ADAMTS12: variants seen among roughly 807,000 people sequenced by gnomAD.
The protein encoded by ADAMTS12 is A disintegrin and metalloproteinase with thrombospondin motifs 12.
ADAMTS12 carries 118 observed loss-of-function variants against 167.8 expected under a neutral mutation model. The ratio of observed to expected loss-of-function variants is 0.70; its 90% CI spans 0.61 to 0.82. The LOEUF (loss-of-function observed/expected upper bound fraction) is 0.82, where lower values mean the gene tolerates loss of function less well. ADAMTS12 is among the 40% of genes least tolerant of loss of function. ADAMTS12 has a pLI of 0.00. For missense variants in ADAMTS12, 1,916 were observed against 1,998.8 expected, an observed-to-expected ratio of 0.96 and a Z score of 0.79; for synonymous variants, 704 against 716.9, an observed-to-expected ratio of 0.98 and a Z score of 0.29.
At chr5:33,870,762 G>C (rs1352953391) in intron 2 of ADAMTS12, among the ~76,000 whole-genome samples, 2 of 152,136 alleles carry the variant, frequency 1.3e-5, no homozygotes, top group Admixed American at 1.3e-4. Context: ...TCTTGTGATA[G>C]TGAGTGAGTT....
intron 2 of ADAMTS12, among the ~76,000 whole-genome samples, chr5:33,836,493 C>T (rs1232748981): frequency 9.2e-5 from 14 of 152,110 alleles, no homozygotes; most frequent in Admixed American, 8.5e-4. Context: ...ATATTAAGGA[C>T]ATAACAGAAG....
In ADAMTS12 at chr5:33,683,927, C is replaced by T. The variant is rs771636188; in HGVS notation, c.763G>A (p.Asp255Asn). Residue 255 changes from aspartate to asparagine, a missense_variant, in exon 4 of 24, where the codon GAC becomes AAC. By Grantham distance (23) the Asp-to-Asn change is conservative (BLOSUM62 1). Transcript: ENST00000504830. ...CCATGGTATTCAATCATCTTTGTGT[C>T]GGCCACCACCAGTGTCTCCACCCAT... ...ERWVETLVVADTKMIEYHGSE... is the reference protein window; with the variant it reads ...ERWVETLVVANTKMIEYHGSE... The T allele has an allele frequency of 2.1e-5, 34 of 1,608,320 alleles. No homozygotes were observed. Among genetic ancestry groups the T allele is most frequent in the Non-Finnish European group, 2.3e-5 (27 of 1,177,548 alleles).
At chr5:33,601,140 T>TGTGTGTGTGA (rs774156065) in intron 16 of ADAMTS12, among the ~76,000 whole-genome samples, 1 of 148,830 alleles carries the variant, frequency 6.7e-6, no homozygotes, top group African/African-American at 2.5e-5. Context: ...TGTGTGTGTG[T>TGTGTGTGTGA]GATCAACAAT....
rs13362345 is a variant in ADAMTS12, at chr5:33,577,027, C to A, written c.2999G>T (p.Arg1000Leu). The part of the protein sequence containing the change: ...LCGLQQCPSS[R>L]RVLKPNKGTI... ...GCCTTTGTTTGGTTTCAGAACTCTC[C>A]GGCTAGAAGGGCATTGCTGGAGGCC... The change falls in exon 19 of 24, where the codon CGG (arginine) becomes CTG (leucine). Residue 1000 changes from arginine (R) to leucine (L), a missense_variant. Arg to Leu is a moderately radical substitution (Grantham distance 102). Transcript: ENST00000504830. The A allele has an allele frequency of 6.8e-6, 11 of 1,613,964 alleles. No homozygotes were observed. The highest frequency in any genetic ancestry group is 2.7e-5 in the African/African-American group (2 of 74,910).
chr5:33,533,946 A>G (rs1025960095), intron 23 of ADAMTS12, among the ~76,000 whole-genome samples: 1 of 152,220 alleles, frequency 6.6e-6, no homozygotes, highest in African/African-American at 2.4e-5. Flanking sequence ...CCTTTCTCCC[A>G]GCACAAAGGG....
chr5:33,767,971 G>A (rs1024382184), intron 2 of ADAMTS12, among the ~76,000 whole-genome samples: 1 of 152,212 alleles, frequency 6.6e-6, no homozygotes, highest in Non-Finnish European at 1.5e-5. Flanking sequence ...ATAGGCAACA[G>A]TACAGGGTGA....
chr5:33,571,145 T>C (rs1267791420), intron 19 of ADAMTS12, among the ~76,000 whole-genome samples: 1 of 152,122 alleles, frequency 6.6e-6, no homozygotes, highest in Admixed American at 6.5e-5. Context: ...ACAATAATAA[T>C]GGGAGACTTT....
Position 33,699,267 on chromosome 5 carries a change from T to A in ADAMTS12, c.635-15212A>T, listed in dbSNP as rs147097798. 1.9e-3 allele frequency among the ~76,000 whole-genome samples: 290 copies of A among 152,164 alleles called. 10 individuals are homozygous for A. The East Asian group carries it at 0.047, about 25-fold the overall frequency. On this transcript the variant is annotated intron_variant, in intron 3 of 23. Coordinates refer to ENST00000504830, the MANE Select transcript of ADAMTS12 (RefSeq NM_030955.4). The stretch of plus-strand genomic sequence containing the variant: ...ACTCAGAAATAGACCCACACAAAGA[T>A]GTCTAACAGATTATTGACAAATGTG...
At chr5:33,681,034 CA>C (rs1376408773) in intron 5 of ADAMTS12, among the ~76,000 whole-genome samples, 1 of 152,182 alleles carries the variant, frequency 6.6e-6, no homozygotes, top group African/African-American at 2.4e-5. Flanking sequence ...CAAGCAGTTA[CA>C]TTTTCATAGA....
intron 3 of ADAMTS12, among the ~76,000 whole-genome samples, chr5:33,715,637 A>G (rs555645220): frequency 1.3e-5 from 2 of 152,082 alleles, no homozygotes; most frequent in Non-Finnish European, 2.9e-5. Context: ...GTGGCTGTAG[A>G]TTTACTGCAC....
intron 19 of ADAMTS12, among the ~76,000 whole-genome samples, chr5:33,565,549 C>G (rs997556857): frequency 6.6e-6 from 1 of 152,126 alleles, no homozygotes; most frequent in Non-Finnish European, 1.5e-5. Flanking sequence ...ATGTGGAGTT[C>G]TATTCTAGTA....
At chr5:33,749,873 G>C (rs1184438416) in intron 3 of ADAMTS12, among the ~76,000 whole-genome samples, 1 of 152,154 alleles carries the variant, frequency 6.6e-6, no homozygotes, top group South Asian at 2.1e-4. Context: ...GGAGTTATGA[G>C]AGAGAGGTGT....
At chr5:33,653,064 T>C (rs1312676270) in intron 7 of ADAMTS12, among the ~76,000 whole-genome samples, 1 of 152,160 alleles carries the variant, frequency 6.6e-6, no homozygotes, top group African/African-American at 2.4e-5. Flanking sequence ...CTATGTTGAA[T>C]AAGAAGTGGT....
At chr5:33,711,518 G>C (rs2112317924) in intron 3 of ADAMTS12, among the ~76,000 whole-genome samples, 1 of 152,210 alleles carries the variant, frequency 6.6e-6, no homozygotes, top group African/African-American at 2.4e-5. Context: ...AGCACAAACA[G>C]ATTTTGGTGT....
intron 2 of ADAMTS12, among the ~76,000 whole-genome samples, chr5:33,792,758 T>C (rs1439443302): frequency 6.6e-6 from 1 of 152,258 alleles, no homozygotes; most frequent in African/African-American, 2.4e-5. Flanking sequence ...CTCTTCTCTA[T>C]ACTTGCAGTC....
chr5:33,769,862 C>T (rs908044771), intron 2 of ADAMTS12, among the ~76,000 whole-genome samples: 2 of 152,146 alleles, frequency 1.3e-5, no homozygotes, highest in African/African-American at 4.8e-5. Flanking sequence ...AATTATAACA[C>T]CTGTCCTGCC....
chr5:33,536,740 G>A (rs947112821), intron 22 of ADAMTS12, among the ~76,000 whole-genome samples: 2 of 152,128 alleles, frequency 1.3e-5, no homozygotes, highest in Admixed American at 6.5e-5. Context: ...GTCCACCCCC[G>A]ATAGACTCAC....
chr5:33,759,762 A>G (rs1745285198), intron 2 of ADAMTS12, among the ~76,000 whole-genome samples: 1 of 152,208 alleles, frequency 6.6e-6, no homozygotes, highest in Non-Finnish European at 1.5e-5. Flanking sequence ...ACTTGATAGC[A>G]CTTGGAACTG....
At chr5:33,711,039 T>C (rs1743385091) in intron 3 of ADAMTS12, among the ~76,000 whole-genome samples, 1 of 152,112 alleles carries the variant, frequency 6.6e-6, no homozygotes, top group Admixed American at 6.5e-5. Flanking sequence ...TTCTTCTTCT[T>C]CTCTCTTGCA....
Sources: allele counts gnomAD v4.1 joint callset (sites outside exome capture counted in the v4.1 genomes callset), GRCh38; gene constraint gnomAD v4.1.1; transcripts MANE v1.5; gene names NCBI Gene and HGNC (gene_info 2026-07-23, HGNC 2026-07-21).